The following TESPA1 variants were observed in gnomAD, a reference collection of about 807,000 sequenced individuals.
TESPA1 encodes the protein protein TESPA1.
TESPA1 carries 33 observed loss-of-function variants against 57.9 expected under a neutral mutation model. The ratio of observed to expected loss-of-function variants is 0.57; its 90% CI spans 0.43 to 0.76. TESPA1 has a LOEUF of 0.76. TESPA1 is among the 30% of genes least tolerant of loss of function. The probability of loss-of-function intolerance (pLI) is 0.00; values close to 1 mark genes in which losing one functional copy is unlikely to be tolerated. For synonymous variants in TESPA1, 227 were observed against 228.9 expected, an observed-to-expected ratio of 0.99 and a Z score of 0.07; for missense variants, 618 against 632.9, an observed-to-expected ratio of 0.98 and a Z score of 0.25.
Position 54,980,131 on chromosome 12 carries a change from A to AT in TESPA1, c.-46+4453dup, listed in dbSNP as rs551342698. ...TGGCCCAATGTCACCATCCAATGTA[A>AT]TTTGGGATTAAAAAAAAAGGAGAAG... On this transcript the variant is annotated intron_variant, in intron 1 of 10. Coordinates refer to ENST00000449076, the MANE Select transcript of TESPA1 (RefSeq NM_001136030.3). Among the ~76,000 whole-genome samples, 389 of 152,190 alleles carry AT rather than the reference A, an allele frequency of 2.6e-3. 3 individuals carry two copies. The highest frequency in any genetic ancestry group is 1.6e-3 in the Non-Finnish European group (107 of 68,002).
intron 10 of TESPA1, among the ~76,000 whole-genome samples, chr12:54,953,406 T>C (rs56888843): frequency 0.11 from 17,163 of 152,164 alleles, 2,319 homozygotes; most frequent in East Asian, 0.64. Context: ...CCTTTCTCTC[T>C]GCCTAGAATA....
intron 1 of TESPA1, among the ~76,000 whole-genome samples, chr12:54,981,426 TG>T (rs1952318185): frequency 1.7e-5 from 1 of 58,310 alleles, no homozygotes; most frequent in Admixed American, 2.4e-4. Context: ...TGTCCTAGGG[TG>T]GGGGGAGGGG....
intron 10 of TESPA1, among the ~76,000 whole-genome samples, chr12:54,953,484 C>G (rs984744319): frequency 3.3e-5 from 5 of 151,752 alleles, no homozygotes; most frequent in African/African-American, 9.7e-5. Context: ...TTGGACACAT[C>G]TGTCCAGACT....
At position 54,972,982 on chromosome 12, in the gene TESPA1, A is replaced by C. The variant is rs1054048059; in HGVS notation, c.206+495T>G. Among the ~76,000 whole-genome samples, 3 of 152,212 alleles carry C rather than the reference A, an allele frequency of 2.0e-5. No homozygotes were observed. In the South Asian group the frequency reaches 6.2e-4, roughly 32 times the overall value. Reference sequence around the variant, plus strand: ...ATTTAAAGTATCTCTGAGGAAAGAGATAATGCACTGCCTTGAAGTGCCTGC... The same window carrying C: ...ATTTAAAGTATCTCTGAGGAAAGAGCTAATGCACTGCCTTGAAGTGCCTGC... On this transcript the variant is annotated intron_variant, in intron 3 of 10. Coordinates refer to ENST00000449076, the MANE Select transcript of TESPA1 (RefSeq NM_001136030.3).
At position 54,960,656 on chromosome 12, in the gene TESPA1, A is replaced by G. The variant is rs115760779; in HGVS notation, c.*1+512T>C. On this transcript the variant is annotated intron_variant, in intron 10 of 10. Transcript: ENST00000449076. ...AATTATCTAACCTAAAGATCTTGGT[A>G]AAACTGTGATTCATTAGGTCTGGGG... is the stretch of plus-strand genomic sequence containing the variant. 3.3e-3 allele frequency among the ~76,000 whole-genome samples: 505 copies of G among 152,356 alleles called. 5 individuals are homozygous for G. The highest frequency in any genetic ancestry group is 0.012 in the African/African-American group (488 of 41,564).
chr12:54,956,424 C>T (rs1429049189), intron 10 of TESPA1, among the ~76,000 whole-genome samples: 1 of 152,202 alleles, frequency 6.6e-6, no homozygotes, highest in African/African-American at 2.4e-5. Context: ...AAACTTTCTC[C>T]TTGGCTCTGC....
Position 54,957,428 on chromosome 12 carries a change from C to A in TESPA1, c.*1+3740G>T, listed in dbSNP as rs994243876. ...CCCAGCAGAACTGAAAAAAATTATC[C>A]CACTTAGCTCTGCCTTTGATTGTGG... On this transcript the variant is annotated intron_variant, in intron 10 of 10. Transcript: ENST00000449076. Among the ~76,000 whole-genome samples the A allele has an allele frequency of 2.0e-5, 3 of 152,302 alleles. No homozygotes were observed. The East Asian group carries it at 5.8e-4, about 29-fold the overall frequency.
At chr12:54,954,220 T>G (rs1160208121) in intron 10 of TESPA1, among the ~76,000 whole-genome samples, 1 of 152,204 alleles carries the variant, frequency 6.6e-6, no homozygotes, top group Non-Finnish European at 1.5e-5. Context: ...TTGGCTTGGA[T>G]CTCAGGAGAC....
At chr12:54,978,175 T>C (rs764123918) in intron 1 of TESPA1, among the ~76,000 whole-genome samples, 3 of 152,182 alleles carry the variant, frequency 2.0e-5, no homozygotes, top group African/African-American at 7.2e-5. Context: ...GAGACAAAGA[T>C]ATGGAGATGT....
Position 54,959,737 on chromosome 12 carries a change from C to T in TESPA1, c.*1+1431G>A, listed in dbSNP as rs964828945. Among the ~76,000 whole-genome samples, 6 of 152,144 alleles carry T rather than the reference C, an allele frequency of 3.9e-5. No individual in the cohort carries two copies. In the East Asian group the frequency reaches 9.6e-4, roughly 24 times the overall value. ...ACCCACTTCTCTGATGGGTCTAGAA[C>T]GGTTACTAATTTTTCAGTCTGTTCA... On this transcript the variant is annotated intron_variant, in intron 10 of 10. Coordinates refer to ENST00000449076, the MANE Select transcript of TESPA1 (RefSeq NM_001136030.3).
At chr12:54,966,793 T>C (rs929228769) in intron 5 of TESPA1, among the ~76,000 whole-genome samples, 1 of 152,228 alleles carries the variant, frequency 6.6e-6, no homozygotes, top group Non-Finnish European at 1.5e-5. Flanking sequence ...TGTGCTTTCA[T>C]TCTTTACTGA....
rs2136099277 is a variant in TESPA1 at position 54,962,328 on chromosome 12, A to G, written c.1467+103T>C. The G allele has an allele frequency of 9.0e-6, 12 of 1,326,848 alleles. 1 individual carries two copies. In the South Asian group the frequency reaches 1.7e-4, roughly 19 times the overall value. 82.2% of individuals were successfully genotyped at this position (1,326,848 alleles called of 1,614,324 possible). On this transcript the variant is annotated intron_variant, in intron 9 of 10. Transcript: ENST00000449076. ...AAGTGGTATATCTGGCTAGGACAGG[A>G]AGCCTGGATTATTTTTCCCCCAAGG...
In TESPA1 at chr12:54,949,209, C is replaced by T. The variant is rs983831770; in HGVS notation, c.*1183G>A. 2 of 152,116 alleles carry T rather than the reference C, an allele frequency of 1.3e-5. No individual in the cohort carries two copies. The highest frequency in any genetic ancestry group is 4.8e-5 in the African/African-American group (2 of 41,406). 9.4% of individuals were successfully genotyped at this position (152,116 alleles called of 1,614,324 possible). On this transcript the variant is annotated 3_prime_UTR_variant, in exon 11 of 11. Transcript: ENST00000449076. Reference sequence around the variant, plus strand: ...TGGTTTAAAAATTTTTCCACCCTAGCCCTTTTGTCTCTGCCTCACTACGTA... The same window carrying T: ...TGGTTTAAAAATTTTTCCACCCTAGTCCTTTTGTCTCTGCCTCACTACGTA...
intron 6 of TESPA1, 100 bp downstream of exon 6, chr12:54,966,288 A>C: frequency 6.3e-7 from 1 of 1,589,782 alleles, no homozygotes; most frequent in Non-Finnish European, 8.6e-7. Context: ...CTCACTCTCT[A>C]ATGTGAATCT....
chr12:54,982,829 C>A (rs1952370055), intron 1 of TESPA1, among the ~76,000 whole-genome samples: 1 of 151,934 alleles, frequency 6.6e-6, no homozygotes, highest in Non-Finnish European at 1.5e-5. Flanking sequence ...CATTTTTCTT[C>A]TTTCCTGCTT....
chr12:54,959,256 G>C (rs898343377), intron 10 of TESPA1, among the ~76,000 whole-genome samples: 81 of 152,220 alleles, frequency 5.3e-4, no homozygotes, highest in Non-Finnish European at 9.7e-4. Context: ...GGGATGGCTA[G>C]AGTAGGCAGG....
At chr12:54,983,024 T>C (rs527784209) in intron 1 of TESPA1, among the ~76,000 whole-genome samples, 20 of 152,228 alleles carry the variant, frequency 1.3e-4, no homozygotes, top group Admixed American at 3.3e-4. Flanking sequence ...AAGAGAACAG[T>C]TGTCAGTTTG....
At position 54,962,544 on chromosome 12, in the gene TESPA1, C is replaced by G. The variant is rs774886174; in HGVS notation, c.1354G>C (p.Val452Leu). 2.5e-6 allele frequency: 4 copies of G among 1,613,786 alleles called. No homozygotes were observed. The South Asian group carries it at 3.3e-5, about 13-fold the overall frequency. Residue 452 changes from valine (V) to leucine (L), a missense_variant, in exon 9 of 11, where the codon GTT becomes CTT. Val to Leu is a conservative substitution (Grantham distance 32, BLOSUM62 1). This residue lies in a region of TESPA1 where 409 missense variants were observed against 420.1 expected (regional missense o/e 0.97). Transcript: ENST00000449076. ...LFQKNLMGRK[V>L]KSLDLSITQQ... is the part of the protein sequence containing the mutation. ...GTGATGGACAGGTCCAAGGACTTAACCTTCCTGCCCATGAGATTCTTCTGG... is the reference window on the plus strand; with the variant it reads ...GTGATGGACAGGTCCAAGGACTTAAGCTTCCTGCCCATGAGATTCTTCTGG...
At chr12:54,973,604 T>C (rs1052030579) in intron 2 of TESPA1, 85 bp from the exon 3 acceptor site, 17 of 1,609,168 alleles carry the variant, frequency 1.1e-5, no homozygotes. Context: ...CACAAGTTTA[T>C]TCTTACATAA....
Sources: allele counts gnomAD v4.1 joint callset (sites outside exome capture counted in the v4.1 genomes callset), GRCh38; gene constraint gnomAD v4.1.1; regional missense constraint gnomAD v4.1.1; transcripts MANE v1.5; gene names NCBI Gene and HGNC (gene_info 2026-07-23, HGNC 2026-07-21).